Variants in SLC9A7 observed in about 807,000 individuals in gnomAD.
SLC9A7 encodes the protein solute carrier family 9 member A7.
A neutral mutation model predicts 52.6 loss-of-function variants in SLC9A7; 19 were observed. That is an observed-to-expected ratio of 0.36 (90% CI 0.25 to 0.53). The LOEUF is 0.53. SLC9A7 is among the 20% of genes least tolerant of loss of function. SLC9A7 has a pLI of 0.91. For synonymous variants in SLC9A7, 226 were observed against 252.1 expected (o/e 0.90, Z 0.98); for missense variants, 455 against 597.9 (o/e 0.76, Z 2.49).
At chrX:46,743,353 C>G (rs1921507158) in intron 1 of SLC9A7, among the ~76,000 whole-genome samples, 1 of 112,149 alleles carries the variant, frequency 8.9e-6, no homozygotes, top group Non-Finnish European at 1.9e-5. Context: ...GGCTAAATTG[C>G]TTTTGCAAAT....
At chrX:46,682,291 C>G in intron 2 of SLC9A7, 45 bp downstream of exon 2, 2 of 1,147,426 alleles carry the variant, frequency 1.7e-6, no homozygotes, top group Non-Finnish European at 2.4e-6. Context: ...GTCAGGGAAT[C>G]AACAACCATG....
intron 1 of SLC9A7, among the ~76,000 whole-genome samples, chrX:46,691,876 C>T (rs1944384935): frequency 1.8e-5 from 2 of 111,222 alleles, no homozygotes; most frequent in Non-Finnish European, 1.9e-5. Context: ...AGCAATTTTA[C>T]AGTTATATAG....
intron 1 of SLC9A7, among the ~76,000 whole-genome samples, chrX:46,690,378 A>G (rs1944365067): frequency 8.9e-6 from 1 of 112,552 alleles, no homozygotes; most frequent in Non-Finnish European, 1.9e-5. Flanking sequence ...GGCAATCCTA[A>G]TACCCTCTTC....
Position 46,752,100 on chromosome X carries a change from C to T in SLC9A7, c.325+6605G>A, listed in dbSNP as rs114160187. 5.2e-3 allele frequency among the ~76,000 whole-genome samples: 586 copies of T among 112,056 alleles called. 4 individuals are homozygous for T. Among genetic ancestry groups the T allele is most frequent in the African/African-American group, 0.018 (563 of 30,871 alleles). Reference sequence around the variant, plus strand: ...AGCATACCCTTTCACTAGGCACCTACATTTAACAGTTAGCTAGTAGGCTGC... The same window carrying T: ...AGCATACCCTTTCACTAGGCACCTATATTTAACAGTTAGCTAGTAGGCTGC... On this transcript the variant is annotated intron_variant, in intron 1 of 16. Transcript: ENST00000616978.
intron 8 of SLC9A7, among the ~76,000 whole-genome samples, chrX:46,652,626 G>C (rs1477915258): frequency 2.7e-5 from 3 of 112,412 alleles, no homozygotes; most frequent in Non-Finnish European, 5.6e-5. Flanking sequence ...TTTTAAGGAA[G>C]TGGGGCATTT....
At chrX:46,671,644 T>G (rs1421382970) in intron 4 of SLC9A7, among the ~76,000 whole-genome samples, 5 of 111,875 alleles carry the variant, frequency 4.5e-5, no homozygotes, top group Non-Finnish European at 9.4e-5. Context: ...ATCCTTCGAC[T>G]AGGATTTGTC....
At chrX:46,629,399 C>A (rs1943187045) in intron 14 of SLC9A7, among the ~76,000 whole-genome samples, 1 of 112,171 alleles carries the variant, frequency 8.9e-6, no homozygotes, top group African/African-American at 3.2e-5. Context: ...CACTTTGGAC[C>A]TGCTGCTTTC....
In SLC9A7 at chrX:46,635,639, G is replaced by A; in HGVS notation, c.1626C>T (p.Val542=). Residue 542 remains valine, a synonymous_variant, in exon 13 of 17, where the codon GTC becomes GTT. Transcript: ENST00000616978. ...MLSWLNIRVG[V]EEPSEEDQNE... is the part of the protein sequence containing the mutation. The stretch of plus-strand genomic sequence containing the variant: ...TCTGGTCCTCTTCGGAGGGCTCCTC[G>A]ACGCCAACTCTGGGCAGCAGAAGAA... 2.5e-6 allele frequency: 3 copies of A among 1,209,219 alleles called. No homozygotes were observed. Among genetic ancestry groups the A allele is most frequent in the East Asian group, 3.0e-5 (1 of 33,856 alleles).
intron 1 of SLC9A7, chrX:46,725,800 T>C (rs1569523935): frequency 1.3e-6 from 1 of 741,044 alleles, no homozygotes; most frequent in Non-Finnish European, 2.1e-6. Context: ...GGTTTCACTT[T>C]CCCGAAGAAT....
At chrX:46,736,750 G>A (rs773775402) in intron 1 of SLC9A7, among the ~76,000 whole-genome samples, 22 of 110,703 alleles carry the variant, frequency 2.0e-4, no homozygotes, top group African/African-American at 6.9e-4. Flanking sequence ...TCTTCCCCTC[G>A]CTTGGCTTTG....
chrX:46,656,305 A>C (rs1465172247), intron 7 of SLC9A7, among the ~76,000 whole-genome samples: 4 of 112,507 alleles, frequency 3.6e-5, no homozygotes, highest in Non-Finnish European at 5.6e-5. Context: ...AACTCTAAAA[A>C]GCAGAGCGCC....
At chrX:46,705,571 C>T (rs990297171) in intron 1 of SLC9A7, among the ~76,000 whole-genome samples, 3 of 111,733 alleles carry the variant, frequency 2.7e-5, no homozygotes, top group Admixed American at 9.5e-5. Context: ...CATAGGGAGA[C>T]CCTACATCTA....
At chrX:46,694,173 A>T (rs947256792) in intron 1 of SLC9A7, among the ~76,000 whole-genome samples, 3 of 107,973 alleles carry the variant, frequency 2.8e-5, no homozygotes, top group East Asian at 2.9e-4. Context: ...AGTCAAAATT[A>T]AAAAAAAAGA....
intron 16 of SLC9A7, among the ~76,000 whole-genome samples, chrX:46,609,961 G>T (rs1942820021): frequency 8.9e-6 from 1 of 112,031 alleles, no homozygotes; most frequent in Non-Finnish European, 1.9e-5. Context: ...CCGGGAGGCA[G>T]AGGTTGCAGT....
rs1315763932 is a variant in SLC9A7, at chrX:46,704,517, TG to T, written c.326-21983del. Among the ~76,000 whole-genome samples the T allele has an allele frequency of 4.5e-5, 5 of 112,248 alleles. No homozygotes were observed. The Admixed American group carries it at 4.7e-4, about 11-fold the overall frequency. ...GCTGAAATTTCCTGAGTCATGAAAT[TG>T]GTGTCTGGGACACAAGGAATGCTTC... On this transcript the variant is annotated intron_variant, in intron 1 of 16. Transcript: ENST00000616978.
At chrX:46,668,949 C>T (rs951648828) in intron 5 of SLC9A7, among the ~76,000 whole-genome samples, 2 of 110,868 alleles carry the variant, frequency 1.8e-5, no homozygotes, top group Non-Finnish European at 3.8e-5. Context: ...GGGTGGATCA[C>T]GAAGTCAGGA....
intron 1 of SLC9A7, among the ~76,000 whole-genome samples, chrX:46,741,490 A>G (rs1921347399): frequency 8.9e-6 from 1 of 111,830 alleles, no homozygotes; most frequent in Admixed American, 9.5e-5. Flanking sequence ...AAATATGGAC[A>G]ATTGATTTTT....
rs1569499218 is a variant in SLC9A7, at chrX:46,613,367, A to G, written c.1851T>C (p.Ser617=). Residue 617 remains serine (S), a synonymous_variant, in exon 16 of 17, where the codon AGT becomes AGC. Coordinates refer to ENST00000616978, the MANE Select transcript of SLC9A7 (RefSeq NM_001257291.2). The part of the protein sequence containing the change: ...HNYLKPILTH[S]GPPLTTTLPA... ...GGAGCGTGGTGGTTAGTGGGGGACCACTGTGTGTGAGGATGGGCTTCAGGT... is the reference window on the plus strand; with the variant it reads ...GGAGCGTGGTGGTTAGTGGGGGACCGCTGTGTGTGAGGATGGGCTTCAGGT... The G allele has an allele frequency of 8.3e-7, 1 of 1,202,901 alleles. No individual in the cohort carries two copies.
Position 46,758,913 on chromosome X carries a change from G to A in SLC9A7, c.117C>T (p.Ala39=). Reference sequence around the variant, plus strand: ...CCGCCGCCCCAGAGGAGGAGGCCGAGGCCGCGGCCGCGACTCGCAGCCCCC... The same window carrying A: ...CCGCCGCCCCAGAGGAGGAGGCCGAAGCCGCGGCCGCGACTCGCAGCCCCC... The part of the protein sequence containing the change: ...LGWGLRVAAA[A]SASSSGAAAE... The change falls in exon 1 of 17, where the codon GCC becomes GCT. Residue 39 remains alanine, a synonymous_variant. Coordinates refer to ENST00000616978, the MANE Select transcript of SLC9A7 (RefSeq NM_001257291.2). The A allele has an allele frequency of 8.6e-7, 1 of 1,156,890 alleles. No homozygotes were observed. The highest frequency in any genetic ancestry group is 1.1e-6 in the Non-Finnish European group (1 of 871,089).
Sources: gnomAD v4.1 joint callset for allele counts (sites outside exome capture counted in the v4.1 genomes callset) on GRCh38, gnomAD v4.1.1 for gene constraint, MANE v1.5 for transcripts, NCBI Gene and HGNC (gene_info 2026-07-23, HGNC 2026-07-21) for gene names.